Variants in NANP observed in about 807,000 individuals in gnomAD.
The protein encoded by NANP is N-acetylneuraminic acid phosphatase, also known as N-acylneuraminate-9-phosphatase.
Under a neutral mutation model 16.9 loss-of-function variants are expected in NANP, and 15 were observed. That is an observed-to-expected ratio of 0.89 (90% CI 0.59 to 1.37). The LOEUF (loss-of-function observed/expected upper bound fraction) is 1.37, where lower values mean the gene tolerates loss of function less well. Among genes scored for constraint, NANP ranks in the 40% most tolerant of loss-of-function variants. The pLI, the probability that NANP is intolerant of heterozygous loss-of-function variation, is 0.00. For missense variants in NANP, 290 were observed against 303.5 expected, an observed-to-expected ratio of 0.96 and a Z score of 0.33; for synonymous variants, 135 against 112.6, an observed-to-expected ratio of 1.20 and a Z score of -1.26.
intron 1 of NANP, among the ~76,000 whole-genome samples, chr20:25,619,698 A>G (rs1242400722): frequency 3.9e-5 from 6 of 152,164 alleles, no homozygotes; most frequent in African/African-American, 1.4e-4. Context: ...AAGGACTCTT[A>G]AGCTATGATT....
At chr20:25,621,593 C>A (rs374161413) in intron 1 of NANP, among the ~76,000 whole-genome samples, 2 of 152,226 alleles carry the variant, frequency 1.3e-5, no homozygotes, top group South Asian at 4.1e-4. Flanking sequence ...CTGGCTCTGT[C>A]GCCCAGGCTG....
rs975141556 is a variant in NANP, at chr20:25,615,833, G to A, written c.*92C>T. The A allele has an allele frequency of 1.2e-5, 15 of 1,237,334 alleles. No individual in the cohort carries two copies. The highest frequency in any genetic ancestry group is 6.1e-5 in the African/African-American group (4 of 66,036). The allele number at this position is 1,237,334 out of a possible 1,614,324, so 76.6% of individuals were successfully genotyped here. On this transcript the variant is annotated 3_prime_UTR_variant, in exon 2 of 2. Coordinates refer to ENST00000304788, the MANE Select transcript of NANP (RefSeq NM_152667.3). ...AATCATAAGTAAAATTATTCTTAGA[G>A]CTGGATTATCATAAGTGGAGTGCCC...
intron 1 of NANP, among the ~76,000 whole-genome samples, chr20:25,620,262 T>A (rs375167679): frequency 2.0e-5 from 3 of 152,192 alleles, no homozygotes; most frequent in South Asian, 2.1e-4. Flanking sequence ...ATACTTTGTG[T>A]CTGACTGGTA....
At chr20:25,622,145 G>C (rs6083904) in intron 1 of NANP, among the ~76,000 whole-genome samples, 1 of 152,192 alleles carries the variant, frequency 6.6e-6, no homozygotes, top group Non-Finnish European at 1.5e-5. Context: ...ATACGATTTA[G>C]TCTTTGTTTT....
rs890701372 is a variant in NANP, at chr20:25,614,938, G to A, written c.*987C>T. Reference sequence around the variant, plus strand: ...GGAGGCAGAGGTTGCAGTGAGCCGAGATGGTGCCATGGCACTCCAACCTGG... The same window carrying A: ...GGAGGCAGAGGTTGCAGTGAGCCGAAATGGTGCCATGGCACTCCAACCTGG... On this transcript the variant is annotated 3_prime_UTR_variant, in exon 2 of 2. Transcript: ENST00000304788. The A allele has an allele frequency of 6.6e-6, 1 of 152,174 alleles. No homozygotes were observed. The highest frequency in any genetic ancestry group is 2.4e-5 in the African/African-American group (1 of 41,332). The allele number at this position is 152,174 out of a possible 1,614,324, so 9.4% of individuals were successfully genotyped here.
intron 1 of NANP, among the ~76,000 whole-genome samples, chr20:25,621,534 T>C (rs1008294213): frequency 6.6e-6 from 1 of 152,214 alleles, no homozygotes; most frequent in Non-Finnish European, 1.5e-5. Context: ...TGGCTGGACC[T>C]TTCCCTCTTC....
At chr20:25,621,716 G>A (rs888410701) in intron 1 of NANP, among the ~76,000 whole-genome samples, 2 of 152,126 alleles carry the variant, frequency 1.3e-5, no homozygotes, top group Non-Finnish European at 2.9e-5. Flanking sequence ...CAACACACCC[G>A]GCTAATTTTT....
At position 25,623,210 on chromosome 20, in the gene NANP, T is replaced by TAG. The variant is rs201148607; in HGVS notation, c.90+647_90+648dup. Among the ~76,000 whole-genome samples, 1,194 of 152,084 alleles carry TAG rather than the reference T, an allele frequency of 7.9e-3. 19 individuals carry two copies. The highest frequency in any genetic ancestry group is 0.027 in the African/African-American group (1,136 of 41,474). ...AGGTCTGAAAGCGCCTCCGCGCGTG[T>TAG]AGAGGGGCAGTGCCGCGGAGGAGCG... On this transcript the variant is annotated intron_variant, in intron 1 of 1. Coordinates refer to ENST00000304788, the MANE Select transcript of NANP (RefSeq NM_152667.3).
rs748737573 is a variant in NANP, at chr20:25,616,202, C to G, written c.470G>C (p.Gly157Ala). ...CQSYFDAVVVGGEQREEKPAP... is the reference protein window; with the variant it reads ...CQSYFDAVVVAGEQREEKPAP... Reference sequence around the variant, plus strand: ...TGGTTTCTCCTCTCTCTGCTCTCCACCTACAACAACAGCGTCAAAATAGGA... The same window carrying G: ...TGGTTTCTCCTCTCTCTGCTCTCCAGCTACAACAACAGCGTCAAAATAGGA... The change falls in exon 2 of 2, where the codon GGT becomes GCT. Residue 157 changes from glycine (G) to alanine (A), a missense_variant. Transcript: ENST00000304788. The G allele has an allele frequency of 1.2e-6, 2 of 1,614,150 alleles. No individual in the cohort carries two copies. The highest frequency in any genetic ancestry group is 1.7e-6 in the Non-Finnish European group (2 of 1,180,034).
At position 25,613,791 on chromosome 20, in the gene NANP, A is replaced by T; in HGVS notation, c.*2134T>A. ...TCTGCTGGAGAACTGCTCACTTAAC[A>T]TCCTAGAAGCTATCCTGTTGAGATT... On this transcript the variant is annotated 3_prime_UTR_variant, in exon 2 of 2. Coordinates refer to ENST00000304788, the MANE Select transcript of NANP (RefSeq NM_152667.3). 5 of 398,562 alleles carry T rather than the reference A, an allele frequency of 1.3e-5. No individual in the cohort carries two copies. Among genetic ancestry groups the T allele is most frequent in the Non-Finnish European group, 2.2e-5 (5 of 226,040 alleles). 24.7% of individuals were successfully genotyped at this position (398,562 alleles called of 1,614,324 possible).
chr20:25,621,973 C>T (rs1367843945), intron 1 of NANP, among the ~76,000 whole-genome samples: 1 of 152,172 alleles, frequency 6.6e-6, no homozygotes, highest in Non-Finnish European at 1.5e-5. Flanking sequence ...ATGTGTCAAA[C>T]GAGGATAATT....
rs1444074518 is a variant in NANP, at chr20:25,613,504, CT to C, written c.*2420del. On this transcript the variant is annotated 3_prime_UTR_variant, in exon 2 of 2. Transcript: ENST00000304788. ...GTGTGAGAAGGCCACTACAGGGAAA[CT>C]TTGAAAAAAAATAAAGATGACAAAA... 4.6e-6 allele frequency: 1 copy of C among 219,494 alleles called. No homozygotes were observed. The highest frequency in any genetic ancestry group is 8.8e-5 in the East Asian group (1 of 11,382). The allele number at this position is 219,494 out of a possible 1,614,324, so 13.6% of individuals were successfully genotyped here.
chr20:25,616,516 A>T lies in NANP; in HGVS notation c.156T>A (p.Val52=). 1 of 1,612,990 alleles carries T rather than the reference A, an allele frequency of 6.2e-7. No individual in the cohort carries two copies. The highest frequency in any genetic ancestry group is 8.5e-7 in the Non-Finnish European group (1 of 1,179,584). Residue 52 remains valine (V), a synonymous_variant, in exon 2 of 2, where the codon GTT becomes GTA. Coordinates refer to ENST00000304788, the MANE Select transcript of NANP (RefSeq NM_152667.3). Reference sequence around the variant, plus strand: ...AACATTCCTTGCTGAGTTTAACTTGAACTTTATCACAGATGATTTCAGCCT... The same window carrying T: ...AACATTCCTTGCTGAGTTTAACTTGTACTTTATCACAGATGATTTCAGCCT... ...KEEAEIICDK[V]QVKLSKECFH...
intron 1 of NANP, among the ~76,000 whole-genome samples, chr20:25,618,002 T>C (rs188791296): frequency 6.6e-6 from 1 of 152,298 alleles, no homozygotes; most frequent in African/African-American, 2.4e-5. Flanking sequence ...TGCAAGACAG[T>C]TCCATGTTCC....
chr20:25,617,249 T>G (rs929031451), intron 1 of NANP, among the ~76,000 whole-genome samples: 1 of 152,174 alleles, frequency 6.6e-6, no homozygotes, highest in Admixed American at 6.5e-5. Flanking sequence ...TCTCATTCTG[T>G]AGCTTAGGCT....
Position 25,613,582 on chromosome 20 carries a change from A to G in NANP, c.*2343T>C. ...ATTCTAAAACAAAAAATATTAATAA[A>G]ATCATAGGTTTATTCCAATATTTTA... On this transcript the variant is annotated 3_prime_UTR_variant, in exon 2 of 2. Coordinates refer to ENST00000304788, the MANE Select transcript of NANP (RefSeq NM_152667.3). 2.6e-6 allele frequency: 1 copy of G among 383,684 alleles called. No individual in the cohort carries two copies. Among genetic ancestry groups the G allele is most frequent in the Non-Finnish European group, 4.6e-6 (1 of 217,778 alleles). 23.8% of individuals were successfully genotyped at this position (383,684 alleles called of 1,614,324 possible). A position where few individuals can be genotyped will look rare whatever the true frequency, so the allele number is the denominator to read the frequency against.
rs142919517 is a variant in NANP at position 25,613,203 on chromosome 20, G to A, written c.*2722C>T. The A allele has an allele frequency of 6.6e-6, 1 of 152,178 alleles. No individual in the cohort carries two copies. Among genetic ancestry groups the A allele is most frequent in the African/African-American group, 2.4e-5 (1 of 41,532 alleles). The allele number at this position is 152,178 out of a possible 1,614,324, so 9.4% of individuals were successfully genotyped here. A position where few individuals can be genotyped will look rare whatever the true frequency, so the allele number is the denominator to read the frequency against. On this transcript the variant is annotated 3_prime_UTR_variant, in exon 2 of 2. Coordinates refer to ENST00000304788, the MANE Select transcript of NANP (RefSeq NM_152667.3). The stretch of plus-strand genomic sequence containing the variant: ...CAGTGTTATCTAACACTATAAATGT[G>A]TTAAAGAGGTTATGATAGAAAATGT...
At chr20:25,617,566 G>C (rs1395374494) in intron 1 of NANP, among the ~76,000 whole-genome samples, 1 of 151,944 alleles carries the variant, frequency 6.6e-6, no homozygotes, top group African/African-American at 2.4e-5. Flanking sequence ...GCCCAGGCTG[G>C]AGTGCAGTGG....
At chr20:25,623,770 T>A (rs1043093358) in intron 1 of NANP, 89 bp downstream of exon 1, 8 of 1,238,640 alleles carry the variant, frequency 6.5e-6, no homozygotes, top group Non-Finnish European at 9.0e-6. Context: ...GGCGCCGGGG[T>A]GGAAGTGGGG....
Sources: allele counts gnomAD v4.1 joint callset (sites outside exome capture counted in the v4.1 genomes callset), GRCh38; gene constraint gnomAD v4.1.1; transcripts MANE v1.5; gene names NCBI Gene and HGNC (gene_info 2026-07-23, HGNC 2026-07-21).